MED24: variants seen among roughly 807,000 people sequenced by gnomAD.
MED24 encodes mediator complex subunit 24.
In MED24, 74 loss-of-function variants were observed where a neutral mutation model predicts 118.8. The ratio of observed to expected loss-of-function variants is 0.62; its 90% CI spans 0.52 to 0.76. The LOEUF (loss-of-function observed/expected upper bound fraction) is 0.76, where lower values mean the gene tolerates loss of function less well. Among genes scored for constraint, MED24 ranks in the 30% least tolerant of loss-of-function variants. MED24 has a pLI of 0.00. For missense variants in MED24, 1,041 were observed against 1,278.9 expected, an observed-to-expected ratio of 0.81 and a Z score of 2.84; for synonymous variants, 521 against 523.9, an observed-to-expected ratio of 0.99 and a Z score of 0.08.
intron 3 of MED24, among the ~76,000 whole-genome samples, chr17:40,045,685 A>G (rs1462030111): frequency 6.6e-6 from 1 of 151,094 alleles, no homozygotes; most frequent in Non-Finnish European, 1.5e-5. Context: ...CAGGTGCAGG[A>G]GGATGGCTTG....
Position 40,022,777 on chromosome 17 carries a change from A to T in MED24, c.2300T>A (p.Leu767Gln). Reference sequence around the variant, plus strand: ...GTCCAGGCAGAAGATGGAGTAGAGCAGCTCCACTGCCCGCAGCGTGTGCTC... The same window carrying T: ...GTCCAGGCAGAAGATGGAGTAGAGCTGCTCCACTGCCCGCAGCGTGTGCTC... ...RKEHTLRAVE[L>Q]LYSIFCLDMQ... The change falls in exon 21 of 26, where the codon CTG (leucine) becomes CAG (glutamine). Residue 767 changes from leucine to glutamine, a missense_variant. By Grantham distance (113) the Leu-to-Gln change is moderately radical (BLOSUM62 -2). Transcript: ENST00000394128. 6.2e-7 allele frequency: 1 copy of T among 1,613,884 alleles called. No homozygotes were observed. The highest frequency in any genetic ancestry group is 2.2e-5 in the East Asian group (1 of 44,844).
At chr17:40,020,470 CCCA>C in intron 23 of MED24, 117 bp from the exon 24 acceptor site, 1 of 1,542,106 alleles carries the variant, frequency 6.5e-7, no homozygotes, top group Non-Finnish European at 8.8e-7. Context: ...ACATGGAGAG[CCCA>C]GAGAAGACCC....
chr17:40,036,034 C>G (rs1055079749), intron 4 of MED24, 82 bp downstream of exon 4: 3 of 1,457,456 alleles, frequency 2.1e-6, no homozygotes, highest in African/African-American at 1.4e-5. Context: ...TCCAGCCTCA[C>G]GGGTCACAGC....
chr17:40,022,407 C>A lies in MED24; in HGVS notation c.2510G>T (p.Arg837Leu), dbSNP rs137866788. 1 of 1,609,752 alleles carries A rather than the reference C, an allele frequency of 6.2e-7. No homozygotes were observed. Among genetic ancestry groups the A allele is most frequent in the African/African-American group, 1.3e-5 (1 of 75,012 alleles). ...TGGGGGGCCTACCTCAATGTCTTCG[C>A]GGTGTCTCTTCTTCTGGCGGGTGGA... The part of the protein sequence containing the change: ...QASTRQKKRH[R>L]EDIEDYISLF... Residue 837 changes from arginine (R) to leucine (L), a missense_variant, in exon 22 of 26, where the codon CGC becomes CTC. Arg to Leu is a moderately radical substitution (Grantham distance 102, BLOSUM62 -2). This residue lies in a region of MED24 where 587 missense variants were observed against 694.4 expected (regional missense o/e 0.85). Transcript: ENST00000394128.
rs753003096 is a variant in MED24 at position 40,033,232 on chromosome 17, G to A, written c.672-26C>T. On this transcript the variant is annotated intron_variant, in intron 7 of 25. Transcript: ENST00000394128. This position sits in a 1 kb window ranked among gnomAD's most constrained non-coding sequence, Gnocchi z 5.2. ...CTGAGGGGTCACAAACACAGGGGAC[G>A]GTGTTTGGGGGGCCAAAGGTGAAGG... The A allele has an allele frequency of 8.1e-6, 13 of 1,612,974 alleles. No individual in the cohort carries two copies. Among genetic ancestry groups the A allele is most frequent in the East Asian group, 4.5e-5 (2 of 44,874 alleles).
At chr17:40,023,988 T>C (rs1324354254) in intron 19 of MED24, among the ~76,000 whole-genome samples, 2 of 152,164 alleles carry the variant, frequency 1.3e-5, no homozygotes, top group East Asian at 3.8e-4. Context: ...AAAGTTGCTA[T>C]GACCTTTAGA....
rs751559929 is a variant in MED24, at chr17:40,033,128, G to A, written c.750C>T (p.Leu250=). The change falls in exon 8 of 26, where the codon CTC becomes CTT. Residue 250 remains leucine, a synonymous_variant. Coordinates refer to ENST00000394128, the MANE Select transcript of MED24 (RefSeq NM_014815.4). The surrounding 1 kb of genome is among the most constrained non-coding windows in gnomAD (Gnocchi z 5.2). Reference sequence around the variant, plus strand: ...CGCCTGTCAGGTTCATGGTGCCCTCGAGCAGGATCACGGCGTGGACAGTGG... The same window carrying A: ...CGCCTGTCAGGTTCATGGTGCCCTCAAGCAGGATCACGGCGTGGACAGTGG... ...GFPTVHAVIL[L]EGTMNLTGET... is the part of the protein sequence containing the mutation. 3.7e-6 allele frequency: 6 copies of A among 1,614,128 alleles called. No individual in the cohort carries two copies. Among genetic ancestry groups the A allele is most frequent in the Admixed American group, 1.7e-5 (1 of 60,024 alleles).
intron 3 of MED24, among the ~76,000 whole-genome samples, chr17:40,043,281 TC>T (rs1244864982): frequency 3.3e-5 from 5 of 152,126 alleles, no homozygotes; most frequent in Admixed American, 6.5e-5. Flanking sequence ...CCTTCCCAGA[TC>T]CCGTTGTCTC....
chr17:40,044,120 T>A, intron 3 of MED24, among the ~76,000 whole-genome samples: 1 of 114,268 alleles, frequency 8.8e-6, no homozygotes, highest in African/African-American at 3.6e-5. Flanking sequence ...GGAGTGAGAC[T>A]CTGTCTCACA....
At chr17:40,035,389 T>A (rs781250911) in intron 5 of MED24, 40 bp from the exon 6 acceptor site, 24 of 1,533,676 alleles carry the variant, frequency 1.6e-5, no homozygotes, top group Non-Finnish European at 2.1e-5. Context: ...GTTCTTCCAA[T>A]GGCTGAAATC....
At position 40,020,299 on chromosome 17, in the gene MED24, A is replaced by C. The variant is rs1438352042; in HGVS notation, c.2678T>G (p.Met893Arg). 6.3e-7 allele frequency: 1 copy of C among 1,579,878 alleles called. No homozygotes were observed. Among genetic ancestry groups the C allele is most frequent in the Non-Finnish European group, 8.6e-7 (1 of 1,163,440 alleles). The stretch of plus-strand genomic sequence containing the variant: ...CAGGACTCGGTTCAGAGGGTCCCGC[A>C]TGTTGACCGTGTGGAGCTGAGAGGC... ...LSASQLHTVN[M>R]RDPLNRVLAN... The change falls in exon 24 of 26, where the codon ATG (methionine) becomes AGG (arginine). Residue 893 changes from methionine to arginine, a missense_variant. Met to Arg is a moderately conservative substitution (Grantham distance 91). This residue lies in a region of MED24 where 587 missense variants were observed against 694.4 expected (regional missense o/e 0.85). Coordinates refer to ENST00000394128, the MANE Select transcript of MED24 (RefSeq NM_014815.4).
intron 9 of MED24, 114 bp from the exon 10 acceptor site, chr17:40,032,204 A>G (rs1983472153): frequency 8.0e-6 from 10 of 1,245,004 alleles, no homozygotes; most frequent in Non-Finnish European, 1.1e-6. Flanking sequence ...GAACACTCCT[A>G]CCCTGGGAGT....
chr17:40,051,162 T>G (rs1158240431), intron 3 of MED24, among the ~76,000 whole-genome samples: 1 of 130,982 alleles, frequency 7.6e-6, no homozygotes, highest in African/African-American at 2.6e-5. Context: ...AAAAAAAAAT[T>G]TTGCCAGGAT....
rs1411531907 is a variant in MED24 at position 40,042,817 on chromosome 17, T to G, written c.214-6663A>C. Among the ~76,000 whole-genome samples, 5 of 152,256 alleles carry G rather than the reference T, an allele frequency of 3.3e-5. No homozygotes were observed. In the East Asian group the frequency reaches 9.6e-4, roughly 29 times the overall value. On this transcript the variant is annotated intron_variant, in intron 3 of 25. Transcript: ENST00000394128. ...GACAGTTGAGCCATTATCCATCTATTTGAACAAATAATAAATGTGGATCCC... is the reference window on the plus strand; with the variant it reads ...GACAGTTGAGCCATTATCCATCTATGTGAACAAATAATAAATGTGGATCCC...
intron 3 of MED24, among the ~76,000 whole-genome samples, chr17:40,051,063 G>C (rs1985784039): frequency 6.6e-6 from 1 of 150,540 alleles, no homozygotes; most frequent in African/African-American, 2.5e-5. Context: ...TTGAACCTGG[G>C]AGGCAGAGGT....
intron 23 of MED24, among the ~76,000 whole-genome samples, chr17:40,021,708 G>T (rs541920145): frequency 6.6e-6 from 1 of 152,288 alleles, no homozygotes; most frequent in African/African-American, 2.4e-5. Flanking sequence ...GGAGGGCTGT[G>T]GGGGAACAAC....
rs1345473222 is a variant in MED24 at position 40,020,279 on chromosome 17, C to T, written c.2698G>A (p.Val900Ile). 1.3e-6 allele frequency: 2 copies of T among 1,541,984 alleles called. No homozygotes were observed. The highest frequency in any genetic ancestry group is 1.7e-6 in the Non-Finnish European group (2 of 1,144,236). ...TVNMRDPLNRVLANLFLLISS... is the reference protein window; with the variant it reads ...TVNMRDPLNRILANLFLLISS... ...GCAGGGGTGGGGAACTCACCCAGGA[C>T]TCGGTTCAGAGGGTCCCGCATGTTG... The change falls in exon 24 of 26, where the codon GTC becomes ATC. Residue 900 changes from valine (V) to isoleucine (I), a missense_variant. Physicochemically the swap from Val to Ile is conservative, Grantham distance 29. Transcript: ENST00000394128.
intron 23 of MED24, chr17:40,021,240 C>G (rs1981960312): frequency 2.0e-5 from 3 of 152,338 alleles, no homozygotes; most frequent in Non-Finnish European, 4.4e-5. Context: ...CTCACAACAC[C>G]CCATTTACAG....
intron 5 of MED24, 72 bp downstream of exon 5, chr17:40,035,650 C>T: frequency 6.5e-7 from 1 of 1,526,852 alleles, no homozygotes; most frequent in Non-Finnish European, 9.0e-7. Context: ...GGTCTGTGTG[C>T]TAGGAGCTGC....
Sources: gnomAD v4.1 joint callset for allele counts (sites outside exome capture counted in the v4.1 genomes callset) on GRCh38, gnomAD v4.1.1 for gene constraint, gnomAD v4.1.1 regional missense constraint, Gnocchi (gnomAD v3.1) non-coding constraint, MANE v1.5 for transcripts, NCBI Gene and HGNC (gene_info 2026-07-23, HGNC 2026-07-21) for gene names.